SLC47A1: variants seen among roughly 807,000 people sequenced by gnomAD.
The protein encoded by SLC47A1 is solute carrier family 47 member 1, also known as multidrug and toxin extrusion protein 1.
Under a neutral mutation model 65.8 loss-of-function variants are expected in SLC47A1, and 58 were observed. The observed-to-expected ratio is 0.88, with a 90% CI of 0.71 to 1.10. The LOEUF is 1.10. SLC47A1 is among the 50% of genes least tolerant of loss of function. The pLI is 0.00. For synonymous variants in SLC47A1, 285 were observed against 295.0 expected (o/e 0.97, Z 0.35); for missense variants, 706 against 719.2 (o/e 0.98, Z 0.21).
chr17:19,551,750 G>C (rs539239439), intron 6 of SLC47A1, among the ~76,000 whole-genome samples: 1 of 152,238 alleles, frequency 6.6e-6, no homozygotes, highest in African/African-American at 2.4e-5. Flanking sequence ...GCTCAGAGCC[G>C]CAGTGTTCCT....
chr17:19,570,100 A>G (rs1001591307), intron 14 of SLC47A1, among the ~76,000 whole-genome samples: 9 of 152,210 alleles, frequency 5.9e-5, no homozygotes, highest in Admixed American at 5.2e-4. Flanking sequence ...CAACAGAGCA[A>G]GACCCTGACT....
chr17:19,546,365 TAC>T (rs1290467432), intron 2 of SLC47A1, 68 bp from the exon 3 acceptor site: 5 of 1,493,530 alleles, frequency 3.3e-6, no homozygotes, highest in African/African-American at 2.8e-5. Flanking sequence ...CTCTTATCAA[TAC>T]ACACAGGGAT....
intron 2 of SLC47A1, among the ~76,000 whole-genome samples, chr17:19,545,825 C>T (rs1031570882): frequency 6.6e-6 from 1 of 152,098 alleles, no homozygotes; most frequent in Non-Finnish European, 1.5e-5. Flanking sequence ...CATTGTAACA[C>T]CAGAAATCCC....
At chr17:19,563,790 C>T (rs1043903275) in intron 12 of SLC47A1, among the ~76,000 whole-genome samples, 1 of 146,640 alleles carries the variant, frequency 6.8e-6, no homozygotes, top group Non-Finnish European at 1.5e-5. Context: ...AGATCGAGAC[C>T]ATCCTGGCTA....
Position 19,578,023 on chromosome 17 carries a change from T to C in SLC47A1, c.*470T>C. On this transcript the variant is annotated 3_prime_UTR_variant, in exon 17 of 17. Transcript: ENST00000270570. ...AATAGACGGAAGTCTTGCTCTGTCATGCAGGCTGGAGTGCGGTGGTGCGAT... is the reference window on the plus strand; with the variant it reads ...AATAGACGGAAGTCTTGCTCTGTCACGCAGGCTGGAGTGCGGTGGTGCGAT... The C allele has an allele frequency of 1.6e-6, 2 of 1,234,822 alleles. No homozygotes were observed. Among genetic ancestry groups the C allele is most frequent in the Non-Finnish European group, 2.1e-6 (2 of 940,504 alleles). 76.5% of individuals were successfully genotyped at this position (1,234,822 alleles called of 1,614,324 possible). A position where few individuals can be genotyped will look rare whatever the true frequency, so the allele number is the denominator to read the frequency against.
At chr17:19,547,500 C>T (rs1916319531) in intron 3 of SLC47A1, among the ~76,000 whole-genome samples, 1 of 151,432 alleles carries the variant, frequency 6.6e-6, no homozygotes, top group Non-Finnish European at 1.5e-5. Flanking sequence ...GATTGTTTAC[C>T]TCTGCAAAAG....
chr17:19,572,905 A>G (rs1354176108), intron 16 of SLC47A1, 44 bp downstream of exon 16: 2 of 1,544,698 alleles, frequency 1.3e-6, no homozygotes, highest in Admixed American at 1.7e-5. Context: ...CTGTCTAGGT[A>G]GGACTGGAGG....
intron 14 of SLC47A1, among the ~76,000 whole-genome samples, 180 bp from the exon 15 acceptor site, chr17:19,571,288 AGAACCTTCTG>A (rs1238056346): frequency 6.6e-6 from 1 of 152,168 alleles, no homozygotes; most frequent in East Asian, 1.9e-4. Context: ...TGGGCTTTCC[AGAACCTTCTG>A]GAACCTTCTG....
intron 12 of SLC47A1, chr17:19,564,566 T>A (rs970458718): frequency 6.6e-6 from 1 of 152,276 alleles, no homozygotes; most frequent in Non-Finnish European, 1.5e-5. Flanking sequence ...GGAAGGGCAT[T>A]GCAGTAAGAC....
At chr17:19,560,661 CT>C in intron 12 of SLC47A1, 168 bp downstream of exon 12, 1 of 689,410 alleles carries the variant, frequency 1.5e-6, no homozygotes. Context: ...TTGGGATCAC[CT>C]GAGGTCAGGA....
chr17:19,537,887 C>T (rs1163429286), intron 1 of SLC47A1, among the ~76,000 whole-genome samples: 1 of 152,220 alleles, frequency 6.6e-6, no homozygotes, highest in Non-Finnish European at 1.5e-5. Context: ...GACAAGTCTC[C>T]AGCACCTGAC....
intron 5 of SLC47A1, among the ~76,000 whole-genome samples, 162 bp from the exon 6 acceptor site, chr17:19,551,261 CA>C (rs1412928299): frequency 2.6e-5 from 4 of 152,224 alleles, no homozygotes; most frequent in Admixed American, 2.0e-4. Context: ...TGGGCCATAA[CA>C]CCCTGGCCCC....
chr17:19,555,995 G>C lies in SLC47A1; in HGVS notation c.854G>C (p.Gly285Ala), dbSNP rs201666623. ...GGCGACAGCTGTCTTTCTTCACCAG[G>C]CATCCTCGGCATGGTGGAGCTGGGC... ...WAYEVGSFLS[G>A]ILGMVELGAQ... The change falls in exon 10 of 17, where the codon GGC (glycine) becomes GCC (alanine). Residue 285 changes from glycine (G) to alanine (A), a missense_variant and splice_region_variant. Physicochemically the swap from Gly to Ala is moderately conservative, Grantham distance 60. Transcript: ENST00000270570. 6.2e-7 allele frequency: 1 copy of C among 1,614,172 alleles called. No individual in the cohort carries two copies. Among genetic ancestry groups the C allele is most frequent in the African/African-American group, 1.3e-5 (1 of 75,046 alleles).
chr17:19,560,491 C>T lies in SLC47A1; in HGVS notation c.1104C>T (p.Asp368=), dbSNP rs1047723866. 15 of 1,613,878 alleles carry T rather than the reference C, an allele frequency of 9.3e-6. No homozygotes were observed. Among genetic ancestry groups the T allele is most frequent in the Non-Finnish European group, 1.3e-5 (15 of 1,179,896 alleles). The change falls in exon 12 of 17, where the codon GAC becomes GAT. Residue 368 remains aspartate, a splice_region_variant and synonymous_variant. Transcript: ENST00000270570. ...KDHVGYIFTT[D]RDIINLVAQV... ...ACGTGGGGTACATTTTTACTACCGA[C>T]CGGTGAGTGCTAGGATTTTCTTGAA...
intron 13 of SLC47A1, 82 bp from the exon 14 acceptor site, chr17:19,567,014 C>T (rs1396047742): frequency 3.7e-6 from 6 of 1,602,792 alleles, no homozygotes; most frequent in Non-Finnish European, 3.4e-6. Flanking sequence ...GATTTTAGCA[C>T]AGAATATGAA....
At chr17:19,555,754 C>G in intron 8 of SLC47A1, 42 bp from the exon 9 acceptor site, 1 of 1,613,034 alleles carries the variant, frequency 6.2e-7, no homozygotes, top group South Asian at 1.1e-5. Context: ...AGTTCCAGCC[C>G]GATGGCCAGA....
intron 13 of SLC47A1, 82 bp from the exon 14 acceptor site, chr17:19,567,014 C>G: frequency 1.2e-6 from 2 of 1,602,910 alleles, no homozygotes; most frequent in East Asian, 4.5e-5. Context: ...GATTTTAGCA[C>G]AGAATATGAA....
chr17:19,537,054 G>C (rs770476560), intron 1 of SLC47A1, among the ~76,000 whole-genome samples: 3 of 152,244 alleles, frequency 2.0e-5, no homozygotes, highest in Non-Finnish European at 2.9e-5. Flanking sequence ...TACTCCAGCT[G>C]TGCCTCTTCT....
In SLC47A1 at chr17:19,578,506, A is replaced by G. The variant is rs1332238045; in HGVS notation, c.*953A>G. 5.9e-6 allele frequency: 1 copy of G among 170,134 alleles called. No homozygotes were observed. The highest frequency in any genetic ancestry group is 5.8e-5 in the Admixed American group (1 of 17,188). The allele number at this position is 170,134 out of a possible 1,614,324, so 10.5% of individuals were successfully genotyped here. ...CCACCACGACTGGCCAGAGGACAAA[A>G]TTTTAATAAAGGTCTTAGCTTAAGC... is the stretch of plus-strand genomic sequence containing the variant. On this transcript the variant is annotated 3_prime_UTR_variant, in exon 17 of 17. Transcript: ENST00000270570.
Sources: gnomAD v4.1 joint callset for allele counts (sites outside exome capture counted in the v4.1 genomes callset) on GRCh38, gnomAD v4.1.1 for gene constraint, MANE v1.5 for transcripts, NCBI Gene and HGNC (gene_info 2026-07-23, HGNC 2026-07-21) for gene names.